The following NPAS3 variants were observed in gnomAD, a reference collection of about 807,000 sequenced individuals.
The protein encoded by NPAS3 is neuronal PAS domain-containing protein 3.
Under a neutral mutation model 73.1 loss-of-function variants are expected in NPAS3, and 14 were observed. The ratio of observed to expected loss-of-function variants is 0.19; its 90% CI spans 0.13 to 0.30. The LOEUF (loss-of-function observed/expected upper bound fraction) is 0.30. NPAS3 is among the 10% of genes least tolerant of loss of function. The probability of loss-of-function intolerance (pLI) is 1.00; values close to 1 mark genes in which losing one functional copy is unlikely to be tolerated. For missense variants in NPAS3, 1,096 were observed against 1,250.0 expected, an observed-to-expected ratio of 0.88 and a Z score of 1.86; for synonymous variants, 620 against 541.5, an observed-to-expected ratio of 1.14 and a Z score of -2.01.
chr14:33,674,745 T>G (rs1036504711), intron 5 of NPAS3, among the ~76,000 whole-genome samples: 4 of 152,198 alleles, frequency 2.6e-5, no homozygotes, highest in African/African-American at 9.7e-5. Context: ...ACGCGAGCCT[T>G]TTTCAGGAAT....
chr14:33,683,100 G>GA (rs1287894608), intron 6 of NPAS3, among the ~76,000 whole-genome samples: 70 of 151,592 alleles, frequency 4.6e-4, no homozygotes, highest in African/African-American at 1.5e-3. Flanking sequence ...TTACAACTCA[G>GA]AAAAAAAATA....
chr14:33,466,286 C>G (rs1005883992), intron 4 of NPAS3, among the ~76,000 whole-genome samples: 5 of 152,140 alleles, frequency 3.3e-5, no homozygotes, highest in African/African-American at 1.2e-4. Flanking sequence ...CCCTGTCTTT[C>G]CTATCCTAGC....
At chr14:33,243,428 T>C (rs904910010) in intron 3 of NPAS3, among the ~76,000 whole-genome samples, 1 of 152,022 alleles carries the variant, frequency 6.6e-6, no homozygotes, top group Non-Finnish European at 1.5e-5. Flanking sequence ...CATCTGGAGG[T>C]CTTGATAAAA....
intron 5 of NPAS3, among the ~76,000 whole-genome samples, chr14:33,564,433 C>A (rs564172471): frequency 6.6e-6 from 1 of 152,194 alleles, no homozygotes; most frequent in Non-Finnish European, 1.5e-5. Context: ...GTGATCTACA[C>A]AGCAAACACA....
intron 4 of NPAS3, among the ~76,000 whole-genome samples, chr14:33,555,956 G>A (rs1015144234): frequency 3.3e-5 from 5 of 151,644 alleles, no homozygotes; most frequent in Admixed American, 6.6e-5. Context: ...TTAACTAGTT[G>A]TTTTCCCCCC....
At chr14:33,191,538 C>G (rs2046171627) in intron 2 of NPAS3, among the ~76,000 whole-genome samples, 1 of 152,170 alleles carries the variant, frequency 6.6e-6, no homozygotes, top group Admixed American at 6.5e-5. Flanking sequence ...AACCACTACA[C>G]TTCTATGGAT....
chr14:33,723,644 G>A (rs902977907), intron 6 of NPAS3, among the ~76,000 whole-genome samples: 6 of 151,330 alleles, frequency 4.0e-5, no homozygotes, highest in Non-Finnish European at 8.8e-5. Context: ...AGGAGAAGTG[G>A]TCACCATGCA....
intron 2 of NPAS3, among the ~76,000 whole-genome samples, chr14:33,182,673 A>G (rs910001130): frequency 3.9e-5 from 6 of 151,984 alleles, no homozygotes; most frequent in Admixed American, 6.6e-5. Context: ...TTTTTCCTTT[A>G]TACTCAACCT....
intron 3 of NPAS3, among the ~76,000 whole-genome samples, chr14:33,360,550 C>T (rs1157092054): frequency 6.6e-6 from 1 of 152,160 alleles, no homozygotes; most frequent in Non-Finnish European, 1.5e-5. Context: ...AAAGCAATCC[C>T]TGTGACATCA....
At chr14:33,360,200 G>C (rs879461080) in intron 3 of NPAS3, among the ~76,000 whole-genome samples, 13 of 152,184 alleles carry the variant, frequency 8.5e-5, no homozygotes, top group Non-Finnish European at 1.6e-4. Context: ...CCTGATGCCA[G>C]AAGAAATTAG....
At chr14:33,510,682 G>A (rs180809629) in intron 4 of NPAS3, among the ~76,000 whole-genome samples, 5 of 152,180 alleles carry the variant, frequency 3.3e-5, no homozygotes, top group African/African-American at 1.2e-4. Flanking sequence ...CTTTTCAGGT[G>A]TAGTGCGTTA....
intron 4 of NPAS3, among the ~76,000 whole-genome samples, chr14:33,377,549 G>C (rs571343512): frequency 1.3e-5 from 2 of 152,220 alleles, no homozygotes; most frequent in South Asian, 2.1e-4. Context: ...GGTCAGAAGG[G>C]AGAACTTCTC....
chr14:33,787,651 G>A (rs1263321545), intron 9 of NPAS3, among the ~76,000 whole-genome samples: 1 of 149,442 alleles, frequency 6.7e-6, no homozygotes, highest in African/African-American at 2.5e-5. Flanking sequence ...TGCTATTTAA[G>A]ACATCTAGCT....
chr14:33,429,939 A>G (rs1241737951), intron 4 of NPAS3, among the ~76,000 whole-genome samples: 2 of 152,148 alleles, frequency 1.3e-5, no homozygotes, highest in Non-Finnish European at 2.9e-5. Flanking sequence ...CTGAGGGCAG[A>G]GTGAAGCTCA....
intron 1 of NPAS3, among the ~76,000 whole-genome samples, chr14:32,981,974 T>C (rs1437382942): frequency 6.6e-6 from 1 of 152,214 alleles, no homozygotes; most frequent in African/African-American, 2.4e-5. Context: ...TATTTTCTGC[T>C]TAATCTTTCA....
intron 2 of NPAS3, among the ~76,000 whole-genome samples, chr14:33,146,377 C>G (rs193028579): frequency 7.6e-4 from 116 of 152,284 alleles, no homozygotes; most frequent in African/African-American, 2.5e-3. Context: ...ATACTCTGTA[C>G]AAATCCCCAT....
At chr14:33,054,183 T>G (rs1011306275) in intron 1 of NPAS3, among the ~76,000 whole-genome samples, 1 of 152,208 alleles carries the variant, frequency 6.6e-6, no homozygotes, top group Non-Finnish European at 1.5e-5. Context: ...ATTTCAAGCT[T>G]TTTTATATCT....
intron 1 of NPAS3, among the ~76,000 whole-genome samples, chr14:32,985,551 C>T (rs1465311144): frequency 6.6e-6 from 1 of 151,978 alleles, no homozygotes; most frequent in Non-Finnish European, 1.5e-5. Context: ...AAATTTAGCT[C>T]CTTTTGGAAT....
chr14:33,175,438 A>G (rs1169952947), intron 2 of NPAS3, among the ~76,000 whole-genome samples: 1 of 152,176 alleles, frequency 6.6e-6, no homozygotes, highest in Non-Finnish European at 1.5e-5. Flanking sequence ...TTTTTTTAGG[A>G]AGCATACCTA....
Sources: gnomAD v4.1 joint callset for allele counts (sites outside exome capture counted in the v4.1 genomes callset) on GRCh38, gnomAD v4.1.1 for gene constraint, MANE v1.5 for transcripts, NCBI Gene and HGNC (gene_info 2026-07-23, HGNC 2026-07-21) for gene names.